The following DLGAP1 variants were observed in gnomAD, a reference collection of about 807,000 sequenced individuals.
DLGAP1 encodes DLG associated protein 1.
In DLGAP1, 11 loss-of-function variants were observed where a neutral mutation model predicts 90.8. The observed-to-expected ratio is 0.12, with a 90% confidence interval of 0.08 to 0.20. The LOEUF (loss-of-function observed/expected upper bound fraction) is 0.20. Among genes scored for constraint, DLGAP1 ranks in the 10% least tolerant of loss-of-function variants. The pLI, the probability that DLGAP1 is intolerant of heterozygous loss-of-function variation, is 1.00. For synonymous variants in DLGAP1, 558 were observed against 540.7 expected (o/e 1.03, Z -0.44); for missense variants, 1,050 against 1,333.8 (o/e 0.79, Z 3.31).
At chr18:3,891,523 C>G (rs1349510238) in intron 3 of DLGAP1, among the ~76,000 whole-genome samples, 2 of 152,148 alleles carry the variant, frequency 1.3e-5, no homozygotes, top group Non-Finnish European at 2.9e-5. Context: ...GCCCTCAAGT[C>G]TACTCCTTAT....
Position 3,534,510 on chromosome 18 carries a change from C to T in DLGAP1, c.2163G>A (p.Ser721=), listed in dbSNP as rs542858020. The change falls in exon 10 of 13, where the codon TCG becomes TCA. Residue 721 remains serine (S), a synonymous_variant. Coordinates refer to ENST00000315677, the MANE Select transcript of DLGAP1 (RefSeq NM_004746.4). The part of the protein sequence containing the change: ...ENSLESIEDN[S]CPGPMARQFS... ...ACTGTCTGGCCATGGGGCCAGGACA[C>T]GAATTGTCCTCTATAGATTCCAGAG... 3.7e-6 allele frequency: 6 copies of T among 1,614,114 alleles called. No individual in the cohort carries two copies. The highest frequency in any genetic ancestry group is 2.2e-5 in the East Asian group (1 of 44,860).
chr18:4,003,346 GGGATA>G (rs2074236153), intron 3 of DLGAP1, among the ~76,000 whole-genome samples: 1 of 151,974 alleles, frequency 6.6e-6, no homozygotes, highest in Admixed American at 6.6e-5. Context: ...TGAGATTTAA[GGGATA>G]GGAGAAAAGA....
At chr18:4,146,322 T>G (rs1034097041) in intron 2 of DLGAP1, among the ~76,000 whole-genome samples, 6 of 152,318 alleles carry the variant, frequency 3.9e-5, no homozygotes, top group African/African-American at 1.2e-4. Flanking sequence ...TTCGCCACGT[T>G]CACACAGTTA....
intron 2 of DLGAP1, among the ~76,000 whole-genome samples, chr18:4,062,131 T>C (rs1041254696): frequency 2.0e-5 from 3 of 152,160 alleles, no homozygotes; most frequent in African/African-American, 7.2e-5. Context: ...CTAAACAAAA[T>C]TTGGAGCATA....
At position 3,998,726 on chromosome 18, in the gene DLGAP1, T is replaced by C. The variant is rs115259683; in HGVS notation, c.-73+6390A>G. ...TGTCAAATTTCAAATTTTATTGACA[T>C]GAATATAATTATTCATTTGCTGTAT... On this transcript the variant is annotated intron_variant, in intron 3 of 12. Coordinates refer to ENST00000315677, the MANE Select transcript of DLGAP1 (RefSeq NM_004746.4). Among the ~76,000 whole-genome samples the C allele has an allele frequency of 2.2e-3, 332 of 152,322 alleles. 3 individuals are homozygous for C. Among genetic ancestry groups the C allele is most frequent in the African/African-American group, 7.7e-3 (321 of 41,580 alleles).
chr18:3,551,639 C>T lies in DLGAP1; in HGVS notation c.2057+15851G>A, dbSNP rs1302319888. On this transcript the variant is annotated intron_variant, in intron 9 of 12. Transcript: ENST00000315677. ...TTTCTTTTTCTTTCTTTCTTTCCTT[C>T]CTTTCTCTCTCTCTTTGTCTCTTTC... 8.3e-4 allele frequency among the ~76,000 whole-genome samples: 27 copies of T among 32,570 alleles called. 6 individuals are homozygous for T. In the East Asian group the frequency reaches 0.023, roughly 27 times the overall value. The allele number at this position is 32,570 out of a possible 152,430, so 21.4% of individuals were successfully genotyped here.
chr18:4,153,857 T>C (rs1458751454), intron 1 of DLGAP1, among the ~76,000 whole-genome samples: 5 of 152,164 alleles, frequency 3.3e-5, no homozygotes, highest in Admixed American at 6.5e-5. Flanking sequence ...ACATCCCTGA[T>C]TGGACCAGGA....
intron 1 of DLGAP1, among the ~76,000 whole-genome samples, chr18:4,245,723 T>C (rs117364380): frequency 0.019 from 2,853 of 152,320 alleles, 36 homozygotes; most frequent in Non-Finnish European, 0.027. Flanking sequence ...ATTAGGCTTC[T>C]TTTTCAAGTA....
At chr18:3,829,744 G>T (rs2067928366) in intron 4 of DLGAP1, among the ~76,000 whole-genome samples, 1 of 152,048 alleles carries the variant, frequency 6.6e-6, no homozygotes, top group African/African-American at 2.4e-5. Flanking sequence ...ATTATGGAGG[G>T]TAATCTTCTT....
chr18:3,664,963 C>A (rs1389833108), intron 7 of DLGAP1, among the ~76,000 whole-genome samples: 1 of 152,164 alleles, frequency 6.6e-6, no homozygotes, highest in African/African-American at 2.4e-5. Flanking sequence ...AAGACTGTGA[C>A]TTAATATGAG....
intron 1 of DLGAP1, among the ~76,000 whole-genome samples, chr18:4,346,322 G>A (rs561552445): frequency 3.3e-5 from 5 of 152,064 alleles, no homozygotes; most frequent in Admixed American, 2.0e-4. Context: ...TGGACCTATC[G>A]TATTTAAGGG....
At chr18:3,622,766 C>T (rs956308121) in intron 7 of DLGAP1, among the ~76,000 whole-genome samples, 1 of 152,170 alleles carries the variant, frequency 6.6e-6, no homozygotes, top group African/African-American at 2.4e-5. Flanking sequence ...CAGCCACAGC[C>T]TGGAGTTTGA....
chr18:4,009,411 A>G (rs1467658874), intron 2 of DLGAP1, among the ~76,000 whole-genome samples: 3 of 152,240 alleles, frequency 2.0e-5, no homozygotes, highest in Non-Finnish European at 4.4e-5. Context: ...CCACCACAGC[A>G]GCAGCAAACA....
intron 7 of DLGAP1, among the ~76,000 whole-genome samples, chr18:3,656,952 TAGTC>T (rs2059511348): frequency 1.3e-5 from 2 of 152,020 alleles, no homozygotes; most frequent in African/African-American, 4.8e-5. Flanking sequence ...TTCACTGTAT[TAGTC>T]AGGATGGTCT....
chr18:3,795,541 C>T lies in DLGAP1; in HGVS notation c.1172+18518G>A, dbSNP rs550860650. Among the ~76,000 whole-genome samples the T allele has an allele frequency of 3.3e-5, 5 of 152,302 alleles. No individual in the cohort carries two copies. The East Asian group carries it at 7.7e-4, about 23-fold the overall frequency. ...ATGTTGGCCAGGATGGTCTCGATCTCTTGACCTCGTGATCTGCCCACCTTG... is the reference window on the plus strand; with the variant it reads ...ATGTTGGCCAGGATGGTCTCGATCTTTTGACCTCGTGATCTGCCCACCTTG... On this transcript the variant is annotated intron_variant, in intron 5 of 12. Transcript: ENST00000315677.
In DLGAP1 at chr18:3,955,903, A is replaced by G. The variant is rs370842496; in HGVS notation, c.-73+49213T>C. On this transcript the variant is annotated intron_variant, in intron 3 of 12. Coordinates refer to ENST00000315677, the MANE Select transcript of DLGAP1 (RefSeq NM_004746.4). ...ACAGAAACTTTCCAAAATAAAACACATAGAAAAAAGAACAATTCCTCAAAA... is the reference window on the plus strand; with the variant it reads ...ACAGAAACTTTCCAAAATAAAACACGTAGAAAAAAGAACAATTCCTCAAAA... 1.3e-3 allele frequency among the ~76,000 whole-genome samples: 202 copies of G among 152,326 alleles called. 3 individuals carry two copies. In the South Asian group the frequency reaches 0.019, roughly 14 times the overall value.
At chr18:4,044,003 T>C (rs2075013731) in intron 2 of DLGAP1, among the ~76,000 whole-genome samples, 3 of 152,212 alleles carry the variant, frequency 2.0e-5, no homozygotes, top group Admixed American at 1.3e-4. Flanking sequence ...TATTTAAAAT[T>C]AGTACTAAAT....
chr18:4,207,123 G>A (rs527285591), intron 1 of DLGAP1, among the ~76,000 whole-genome samples: 24 of 152,180 alleles, frequency 1.6e-4, no homozygotes, highest in African/African-American at 4.1e-4. Flanking sequence ...CTGTTCTCAC[G>A]CTGCTAATAA....
intron 1 of DLGAP1, among the ~76,000 whole-genome samples, chr18:4,261,498 A>G (rs1460532788): frequency 6.6e-6 from 1 of 152,034 alleles, no homozygotes; most frequent in South Asian, 2.1e-4. Context: ...TCTTCATGGG[A>G]TAAATCATCC....
Sources: gnomAD v4.1 joint callset for allele counts (sites outside exome capture counted in the v4.1 genomes callset) on GRCh38, gnomAD v4.1.1 for gene constraint, MANE v1.5 for transcripts, NCBI Gene and HGNC (gene_info 2026-07-23, HGNC 2026-07-21) for gene names.